Variants in COBLL1 observed in about 807,000 individuals in gnomAD.
COBLL1 encodes cordon-bleu WH2 repeat protein like 1, also known as cordon-bleu protein-like 1.
A neutral mutation model predicts 94.8 loss-of-function variants in COBLL1; 50 were observed. The ratio of observed to expected loss-of-function variants is 0.53; its 90% CI spans 0.42 to 0.67. The LOEUF (loss-of-function observed/expected upper bound fraction) is 0.67. Ranked by LOEUF, COBLL1 falls within the 30% of genes least tolerant of loss-of-function variation. The pLI is 0.00. For missense variants in COBLL1, 1,362 were observed against 1,348.7 expected (o/e 1.01, Z -0.15); for synonymous variants, 448 against 473.8 (o/e 0.95, Z 0.71).
chr2:164,803,492 G>A (rs1347387952), intron 2 of COBLL1, among the ~76,000 whole-genome samples: 2 of 150,950 alleles, frequency 1.3e-5, no homozygotes, highest in Non-Finnish European at 3.0e-5. Flanking sequence ...GTGAACCCGG[G>A]AGGCGGAGCT....
At chr2:164,739,707 T>C (rs776496827) in intron 3 of COBLL1, among the ~76,000 whole-genome samples, 17 of 152,240 alleles carry the variant, frequency 1.1e-4, no homozygotes, top group Non-Finnish European at 2.1e-4. Context: ...CACCAAATTC[T>C]TGTATTATTC....
intron 2 of COBLL1, among the ~76,000 whole-genome samples, chr2:164,775,954 T>C (rs355873): frequency 0.23 from 35,397 of 152,002 alleles, 4,781 homozygotes; most frequent in African/African-American, 0.37. Context: ...TTAGTTTCCC[T>C]GCCTCAATAA....
At chr2:164,779,359 C>T (rs355895) in intron 2 of COBLL1, among the ~76,000 whole-genome samples, 79,419 of 151,870 alleles carry the variant, frequency 0.52, 23,002 homozygotes, top group African/African-American at 0.78. Flanking sequence ...CTCTTGATAA[C>T]TTGAAGGAAT....
In COBLL1 at chr2:164,753,346, T is replaced by G. The variant is rs951356037; in HGVS notation, c.42-9471A>C. ...AAGCCATTCATCACTTCAGGCTTTC[T>G]GCCCCCATAGCACCTCCACTTAAGT... On this transcript the variant is annotated intron_variant, in intron 2 of 13. Coordinates refer to ENST00000652658, the MANE Select transcript of COBLL1 (RefSeq NM_001365672.2). Among the ~76,000 whole-genome samples, 6 of 152,316 alleles carry G rather than the reference T, an allele frequency of 3.9e-5. No individual in the cohort carries two copies. The Middle Eastern group carries it at 0.017, about 432-fold the overall frequency.
intron 2 of COBLL1, among the ~76,000 whole-genome samples, chr2:164,794,379 T>G (rs1260557963): frequency 6.6e-6 from 1 of 152,010 alleles, no homozygotes; most frequent in Non-Finnish European, 1.5e-5. Context: ...GTTTGGGAGG[T>G]ATGTTACACC....
chr2:164,785,226 TAAAAATAC>T (rs988842203), intron 2 of COBLL1, among the ~76,000 whole-genome samples: 7 of 152,256 alleles, frequency 4.6e-5, no homozygotes, highest in African/African-American at 1.4e-4. Context: ...CCATCTTTAC[TAAAAATAC>T]AAAAATTAGC....
At position 164,841,133 on chromosome 2, in the gene COBLL1, G is replaced by C; in HGVS notation, c.41+23C>G. ...CCGGCCTCGCCCTCCCCGGTGAGAG[G>C]CGGCGCGGCGCTCTGGGCTTACCTG... On this transcript the variant is annotated intron_variant, in intron 2 of 13. Transcript: ENST00000652658. This position sits in a 1 kb window ranked among gnomAD's most constrained non-coding sequence, Gnocchi z 5.5. 3.3e-6 allele frequency: 4 copies of C among 1,229,548 alleles called. No individual in the cohort carries two copies. Among genetic ancestry groups the C allele is most frequent in the Non-Finnish European group, 4.1e-6 (4 of 986,500 alleles). 76.2% of individuals were successfully genotyped at this position (1,229,548 alleles called of 1,614,324 possible).
Position 164,683,005 on chromosome 2 carries a change from TACACACACACACACACACACACAC to T in COBLL1, c.*2917_*2940del, listed in dbSNP as rs71393632. ...CTCCTTTCATGTTAAGAAACACACA[TACACACACACACACACACACACAC>T]ACACACACACAAAAGCCCCCAACAA... is the stretch of plus-strand genomic sequence containing the variant. On this transcript the variant is annotated 3_prime_UTR_variant, in exon 14 of 14. Coordinates refer to ENST00000652658, the MANE Select transcript of COBLL1 (RefSeq NM_001365672.2). 1 of 138,820 alleles carries T rather than the reference TACACACACACACACACACACACAC, an allele frequency of 7.2e-6. No homozygotes were observed. Among genetic ancestry groups the T allele is most frequent in the Non-Finnish European group, 1.6e-5 (1 of 63,530 alleles). The allele number at this position is 138,820 out of a possible 1,614,324, so 8.6% of individuals were successfully genotyped here.
chr2:164,669,304 T>TA (rs1201666502), intron 1 of COBLL1, among the ~76,000 whole-genome samples: 4 of 152,090 alleles, frequency 2.6e-5, no homozygotes, highest in East Asian at 1.9e-4. Flanking sequence ...CCTGGTAATA[T>TA]AAAAAAACAC....
chr2:164,702,777 T>C (rs1270688831), intron 9 of COBLL1, among the ~76,000 whole-genome samples: 1 of 151,956 alleles, frequency 6.6e-6, no homozygotes, highest in Non-Finnish European at 1.5e-5. Context: ...CATGAGTAGC[T>C]GGTATTTTAA....
At chr2:164,688,448 G>A (rs1396196583) in intron 13 of COBLL1, among the ~76,000 whole-genome samples, 1 of 151,918 alleles carries the variant, frequency 6.6e-6, no homozygotes, top group Non-Finnish European at 1.5e-5. Flanking sequence ...TAAACAAGAA[G>A]GTATCACTTG....
At chr2:164,697,015 A>C in intron 11 of COBLL1, 1 of 152,168 alleles carries the variant, frequency 6.6e-6, no homozygotes, top group East Asian at 1.9e-4. Context: ...GATGAAGTAC[A>C]CTGCCTAAAA....
At chr2:164,689,157 G>C (rs1293524946) in intron 13 of COBLL1, among the ~76,000 whole-genome samples, 1 of 151,772 alleles carries the variant, frequency 6.6e-6, no homozygotes, top group East Asian at 1.9e-4. Context: ...AATCCCTTCT[G>C]AAACATGAAA....
At chr2:164,735,562 G>C (rs1296186445) in intron 3 of COBLL1, among the ~76,000 whole-genome samples, 1 of 152,116 alleles carries the variant, frequency 6.6e-6, no homozygotes, top group East Asian at 1.9e-4. Context: ...TTACCATAAA[G>C]GAGTCATAAC....
At chr2:164,831,224 A>G (rs907008511) in intron 2 of COBLL1, among the ~76,000 whole-genome samples, 39 of 152,212 alleles carry the variant, frequency 2.6e-4, no homozygotes, top group Admixed American at 2.5e-3. Flanking sequence ...CGGAAGGTTG[A>G]GACAGGAGAA....
intron 2 of COBLL1, among the ~76,000 whole-genome samples, chr2:164,758,279 A>T (rs763601823): frequency 3.3e-5 from 5 of 152,072 alleles, no homozygotes; most frequent in Admixed American, 6.6e-5. Flanking sequence ...CACTCTAGGA[A>T]AAAACTCTAC....
At chr2:164,679,792 C>T (rs1379768904), downstream of COBLL1, among the ~76,000 whole-genome samples, 2 of 89,928 alleles carry the variant, frequency 2.2e-5, no homozygotes, top group East Asian at 3.2e-4. Flanking sequence ...GGGGTGGGGG[C>T]GGGGGCTAGA....
chr2:164,761,396 G>A (rs988620904), intron 2 of COBLL1: 3 of 149,656 alleles, frequency 2.0e-5, no homozygotes, highest in African/African-American at 7.4e-5. Context: ...TAACAAGAGC[G>A]AAAGAGCCAA....
chr2:164,704,302 TATTTCATAATAAAA>T, intron 9 of COBLL1, 128 bp downstream of exon 9: 5 of 640,578 alleles, frequency 7.8e-6, no homozygotes, highest in South Asian at 5.6e-5. Context: ...GGCAAGAATT[TATTTCATAATAAAA>T]ATTTGGGAAA....
Sources: gnomAD v4.1 joint callset for allele counts (sites outside exome capture counted in the v4.1 genomes callset) on GRCh38, gnomAD v4.1.1 for gene constraint, Gnocchi (gnomAD v3.1) non-coding constraint, MANE v1.5 for transcripts, NCBI Gene and HGNC (gene_info 2026-07-23, HGNC 2026-07-21) for gene names.